THSD7A: variants seen among roughly 807,000 people sequenced by gnomAD.
THSD7A encodes the protein thrombospondin type 1 domain containing 7A, also known as thrombospondin type-1 domain-containing protein 7A.
A neutral mutation model predicts 231.3 loss-of-function variants in THSD7A; 96 were observed. The observed-to-expected ratio is 0.41, with a 90% CI of 0.35 to 0.49. The LOEUF (loss-of-function observed/expected upper bound fraction) is 0.49. THSD7A is among the 20% of genes least tolerant of loss of function. The pLI is 0.05. For missense variants in THSD7A, 2,290 were observed against 2,070.2 expected, an observed-to-expected ratio of 1.11 and a Z score of -2.06; for synonymous variants, 940 against 743.3, an observed-to-expected ratio of 1.26 and a Z score of -4.30.
intron 1 of THSD7A, among the ~76,000 whole-genome samples, chr7:11,681,628 T>C (rs1044093124): frequency 2.0e-5 from 3 of 151,902 alleles, no homozygotes; most frequent in African/African-American, 7.3e-5. Flanking sequence ...AGAACAAACC[T>C]ACGACTCACT....
intron 2 of THSD7A, among the ~76,000 whole-genome samples, chr7:11,597,549 C>T (rs765369847): frequency 2.0e-5 from 3 of 152,078 alleles, no homozygotes; most frequent in Non-Finnish European, 4.4e-5. Flanking sequence ...TTTGGCAGGC[C>T]CCCATAGGTG....
chr7:11,425,572 T>C (rs921871270), intron 15 of THSD7A, among the ~76,000 whole-genome samples: 2 of 152,064 alleles, frequency 1.3e-5, no homozygotes, highest in African/African-American at 4.8e-5. Flanking sequence ...TTTTTTTTAG[T>C]ACAATGAACC....
At chr7:11,644,614 T>C (rs1001718045) in intron 1 of THSD7A, among the ~76,000 whole-genome samples, 5 of 151,996 alleles carry the variant, frequency 3.3e-5, no homozygotes, top group Admixed American at 6.6e-5. Context: ...TAAGAAATTA[T>C]ATAAGAATGT....
intron 1 of THSD7A, among the ~76,000 whole-genome samples, chr7:11,703,105 CAA>C (rs1780655825): frequency 6.6e-6 from 1 of 151,216 alleles, no homozygotes; most frequent in East Asian, 2.0e-4. Flanking sequence ...TAGGCAAGGT[CAA>C]GTTCTCTAAA....
chr7:11,688,745 G>A (rs1013160777), intron 1 of THSD7A, among the ~76,000 whole-genome samples: 3 of 151,764 alleles, frequency 2.0e-5, no homozygotes, highest in Non-Finnish European at 2.9e-5. Context: ...AGGCAGATCC[G>A]AAATGAGAGG....
At chr7:11,716,938 C>A (rs1402022251) in intron 1 of THSD7A, among the ~76,000 whole-genome samples, 1 of 151,480 alleles carries the variant, frequency 6.6e-6, no homozygotes, top group Admixed American at 6.6e-5. Flanking sequence ...GTAACGAATA[C>A]CCTTTATGAA....
chr7:11,575,952 G>C (rs945656087), intron 4 of THSD7A, among the ~76,000 whole-genome samples: 1 of 152,022 alleles, frequency 6.6e-6, no homozygotes, highest in East Asian at 1.9e-4. Context: ...TTTTCTTTCT[G>C]GCTCTAGAAC....
intron 1 of THSD7A, among the ~76,000 whole-genome samples, chr7:11,691,489 A>C (rs1268999293): frequency 1.3e-5 from 2 of 151,494 alleles, no homozygotes; most frequent in African/African-American, 4.8e-5. Context: ...GCTACCTTCC[A>C]ATCAGGTAAT....
chr7:11,431,511 C>T (rs975966613), intron 13 of THSD7A, among the ~76,000 whole-genome samples: 1 of 152,086 alleles, frequency 6.6e-6, no homozygotes, highest in African/African-American at 2.4e-5. Context: ...CACAGTGTAA[C>T]GATTTATTTT....
intron 1 of THSD7A, among the ~76,000 whole-genome samples, chr7:11,747,661 C>T: frequency 6.6e-6 from 1 of 151,896 alleles, no homozygotes; most frequent in South Asian, 2.1e-4. Flanking sequence ...GATAGAAAGA[C>T]ATATGGCTGA....
chr7:11,397,083 C>A (rs370438110), intron 23 of THSD7A, among the ~76,000 whole-genome samples: 4 of 152,164 alleles, frequency 2.6e-5, no homozygotes, highest in Non-Finnish European at 1.5e-5. Flanking sequence ...ATTCAACACC[C>A]CTTCATGCTA....
chr7:11,538,382 A>AATATTTGATT (rs1789002036), intron 6 of THSD7A, among the ~76,000 whole-genome samples: 1 of 152,168 alleles, frequency 6.6e-6, no homozygotes, highest in African/African-American at 2.4e-5. Context: ...ATATGGAAAC[A>AATATTTGATT]ATATTTGATT....
rs193211463 is a variant in THSD7A at position 11,404,664 on chromosome 7, G to T, written c.4237+1636C>A. On this transcript the variant is annotated intron_variant, in intron 22 of 27. Transcript: ENST00000423059. ...TAGTTTCAGCAGCAGGAAGTGAAAG[G>T]GGAATTGCTGGCTCAGCAAAAGGTT... is the stretch of plus-strand genomic sequence containing the variant. Among the ~76,000 whole-genome samples the T allele has an allele frequency of 1.3e-3, 192 of 152,314 alleles. 1 individual carries two copies. Among genetic ancestry groups the T allele is most frequent in the Middle Eastern group, 0.01 (3 of 294 alleles).
chr7:11,487,957 C>T (rs1328848656), intron 6 of THSD7A, among the ~76,000 whole-genome samples: 1 of 152,056 alleles, frequency 6.6e-6, no homozygotes, highest in Admixed American at 6.6e-5. Context: ...TAGAAATGTG[C>T]AACTTTTATG....
Position 11,401,907 on chromosome 7 carries a change from A to G in THSD7A, c.4299T>C (p.Gly1433=), listed in dbSNP as rs758306268. ...WSLCQLTCVN[G]EDLGFGGIQV... The stretch of plus-strand genomic sequence containing the variant: ...GTATTCCACCAAAGCCTAGATCCTC[A>G]CCATTCACACAGGTCAGCTGACACA... The change falls in exon 23 of 28, where the codon GGT becomes GGC. Residue 1433 remains glycine (G), a synonymous_variant. Transcript: ENST00000423059. 5 of 1,613,818 alleles carry G rather than the reference A, an allele frequency of 3.1e-6. No homozygotes were observed. Among genetic ancestry groups the G allele is most frequent in the Non-Finnish European group, 2.5e-6 (3 of 1,179,816 alleles).
rs1270133654 is a variant in THSD7A, at chr7:11,474,305, A to C, written c.2252+29T>G. Reference sequence around the variant, plus strand: ...AATCCTCTGCACAGGTGGCTACACGATTTACTGTTGTCATTCTAAAGCTCT... The same window carrying C: ...AATCCTCTGCACAGGTGGCTACACGCTTTACTGTTGTCATTCTAAAGCTCT... On this transcript the variant is annotated intron_variant, in intron 8 of 27. Coordinates refer to ENST00000423059, the MANE Select transcript of THSD7A (RefSeq NM_015204.3). This position sits in a 1 kb window ranked among gnomAD's most constrained non-coding sequence, Gnocchi z 4.1. 6.3e-7 allele frequency: 1 copy of C among 1,578,022 alleles called. No individual in the cohort carries two copies. Among genetic ancestry groups the C allele is most frequent in the South Asian group, 1.2e-5 (1 of 85,446 alleles).
rs147333401 is a variant in THSD7A at position 11,638,975 on chromosome 7, T to G, written c.191-2014A>C. 4.8e-3 allele frequency among the ~76,000 whole-genome samples: 735 copies of G among 152,282 alleles called. 4 individuals are homozygous for G. Among genetic ancestry groups the G allele is most frequent in the African/African-American group, 0.017 (699 of 41,568 alleles). ...GAACCCAGTAATATGTATAAAATTT[T>G]CTAATTAATTCCACACATCCTTGGC... On this transcript the variant is annotated intron_variant, in intron 1 of 27. Transcript: ENST00000423059.
intron 1 of THSD7A, among the ~76,000 whole-genome samples, chr7:11,669,444 G>C (rs958819014): frequency 5.9e-5 from 9 of 151,928 alleles, no homozygotes; most frequent in African/African-American, 2.4e-5. Flanking sequence ...ACTGATGGGT[G>C]TAAGAGCTGT....
intron 4 of THSD7A, among the ~76,000 whole-genome samples, chr7:11,573,545 G>T (rs69): frequency 0.84 from 127,119 of 152,108 alleles, 53,774 homozygotes; most frequent in African/African-American, 0.96. Context: ...TGGCTTGTTG[G>T]CCAATGACTA....
Sources: gnomAD v4.1 joint callset for allele counts (sites outside exome capture counted in the v4.1 genomes callset) on GRCh38, gnomAD v4.1.1 for gene constraint, Gnocchi (gnomAD v3.1) non-coding constraint, MANE v1.5 for transcripts, NCBI Gene and HGNC (gene_info 2026-07-23, HGNC 2026-07-21) for gene names.